DYSF: variants seen among roughly 807,000 people sequenced by gnomAD.
DYSF encodes dystrophy-associated fer-1-like 1.
Under a neutral mutation model 274.9 loss-of-function variants are expected in DYSF, and 212 were observed. The observed-to-expected ratio is 0.77, with a 90% confidence interval of 0.69 to 0.86. The LOEUF (loss-of-function observed/expected upper bound fraction) is 0.86, where lower values mean the gene tolerates loss of function less well. Among genes scored for constraint, DYSF ranks in the 40% least tolerant of loss-of-function variants. DYSF has a pLI of 0.00. For synonymous variants in DYSF, 1,091 were observed against 1,078.7 expected (o/e 1.01, Z -0.22); for missense variants, 2,666 against 2,783.2 (o/e 0.96, Z 0.95).
chr2:71,564,446 C>T (rs1463118180), intron 24 of DYSF, among the ~76,000 whole-genome samples: 1 of 152,148 alleles, frequency 6.6e-6, no homozygotes, highest in Admixed American at 6.5e-5. Context: ...GAATCACTGG[C>T]GCTGGGAGTG....
At chr2:71,571,057 G>A in intron 29 of DYSF, 1 of 376,496 alleles carries the variant, frequency 2.7e-6, no homozygotes, top group Non-Finnish European at 4.7e-6. Flanking sequence ...CACACACACA[G>A]ATCACACCCA....
intron 26 of DYSF, among the ~76,000 whole-genome samples, chr2:71,568,651 C>T (rs1284575223): frequency 6.6e-6 from 1 of 151,914 alleles, no homozygotes; most frequent in Non-Finnish European, 1.5e-5. Context: ...GCCTCAACCT[C>T]CTGGCCTCAG....
intron 30 of DYSF, among the ~76,000 whole-genome samples, chr2:71,577,695 C>T (rs113817325): frequency 0.028 from 4,264 of 152,104 alleles, 67 homozygotes; most frequent in Admixed American, 0.041. Flanking sequence ...CACACTCACA[C>T]TCCCCCTCCA....
chr2:71,570,011 G>A (rs1171571333), intron 27 of DYSF, 77 bp downstream of exon 27: 5 of 1,355,234 alleles, frequency 3.7e-6, no homozygotes, highest in Non-Finnish European at 5.2e-6. Flanking sequence ...GGACAGGTGG[G>A]GCATGTTTCT....
At chr2:71,546,269 G>C (rs2090465044) in intron 17 of DYSF, among the ~76,000 whole-genome samples, 1 of 152,240 alleles carries the variant, frequency 6.6e-6, no homozygotes, top group Non-Finnish European at 1.5e-5. Flanking sequence ...TTGTGGGCTT[G>C]TAGCCCATTG....
At chr2:71,597,249 A>G (rs980023872) in intron 32 of DYSF, among the ~76,000 whole-genome samples, 4 of 152,282 alleles carry the variant, frequency 2.6e-5, no homozygotes, top group African/African-American at 9.6e-5. Flanking sequence ...TGGCAGTGCT[A>G]GGGCTGGACT....
At chr2:71,673,140 C>G (rs901410984) in intron 51 of DYSF, among the ~76,000 whole-genome samples, 1 of 152,200 alleles carries the variant, frequency 6.6e-6, no homozygotes, top group Non-Finnish European at 1.5e-5. Flanking sequence ...GGACTTGGCA[C>G]CCACCATCTG....
chr2:71,480,880 T>C lies in DYSF; in HGVS notation c.92-3T>C, dbSNP rs367833503. 2.3e-5 allele frequency: 37 copies of C among 1,613,758 alleles called. No homozygotes were observed. In the African/African-American group the frequency reaches 3.6e-4, roughly 16 times the overall value. On this transcript the variant is annotated splice_polypyrimidine_tract_variant and splice_region_variant and intron_variant, in intron 1 of 55. Coordinates refer to ENST00000410020, the MANE Select transcript of DYSF (RefSeq NM_001130987.2). ...TCCATTCTCCCTTTTGTGTCTCTTG[T>C]AGGGGTGAAGAAGAGAACCAAAGTC...
intron 40 of DYSF, among the ~76,000 whole-genome samples, chr2:71,618,436 TG>T: frequency 9.4e-6 from 1 of 106,414 alleles, no homozygotes; most frequent in Non-Finnish European, 1.8e-5. Context: ...AGAGGTGGGG[TG>T]TGTGTGGTAG....
chr2:71,598,134 A>G (rs1317966011), intron 32 of DYSF, among the ~76,000 whole-genome samples: 2 of 152,220 alleles, frequency 1.3e-5, no homozygotes, highest in African/African-American at 2.4e-5. Flanking sequence ...TGGATATTTT[A>G]TATTTAGTTC....
intron 1 of DYSF, among the ~76,000 whole-genome samples, chr2:71,479,510 C>A (rs1299366860): frequency 6.6e-6 from 1 of 152,140 alleles, no homozygotes; most frequent in Non-Finnish European, 1.5e-5. Context: ...CAGTAAAGGA[C>A]CAGGGGCTGC....
At chr2:71,553,553 G>C (rs1387061492) in intron 20 of DYSF, among the ~76,000 whole-genome samples, 1 of 152,168 alleles carries the variant, frequency 6.6e-6, no homozygotes, top group Non-Finnish European at 1.5e-5. Context: ...AGCTGCAGCT[G>C]TCTGCTCAAC....
At chr2:71,595,984 C>A (rs1286867969) in intron 32 of DYSF, among the ~76,000 whole-genome samples, 1 of 151,278 alleles carries the variant, frequency 6.6e-6, no homozygotes, top group East Asian at 1.9e-4. Context: ...TCTAGCAACA[C>A]CCCTACTCCC....
intron 17 of DYSF, among the ~76,000 whole-genome samples, chr2:71,546,590 C>G (rs573598543): frequency 2.0e-5 from 3 of 152,210 alleles, no homozygotes; most frequent in African/African-American, 7.2e-5. Context: ...AGCTGCAGGT[C>G]TTTTGAGAGG....
chr2:71,559,032 C>T (rs905884351), intron 22 of DYSF, among the ~76,000 whole-genome samples: 2 of 152,320 alleles, frequency 1.3e-5, no homozygotes, highest in Admixed American at 6.5e-5. Flanking sequence ...GTCAGCCTGG[C>T]CCACTTCTCC....
intron 3 of DYSF, among the ~76,000 whole-genome samples, chr2:71,488,460 AC>A (rs2083535797): frequency 6.6e-6 from 1 of 152,276 alleles, no homozygotes; most frequent in Admixed American, 6.5e-5. Flanking sequence ...TGATTCACTA[AC>A]CCCAGGCCTA....
At chr2:71,529,310 G>A (rs1024504493) in intron 14 of DYSF, among the ~76,000 whole-genome samples, 1 of 152,142 alleles carries the variant, frequency 6.6e-6, no homozygotes, top group Non-Finnish European at 1.5e-5. Context: ...GCCACTGCTA[G>A]CTCTTTCCAG....
chr2:71,630,290 G>A (rs1000159415), intron 41 of DYSF, among the ~76,000 whole-genome samples: 4 of 152,268 alleles, frequency 2.6e-5, no homozygotes, highest in Admixed American at 6.5e-5. Flanking sequence ...AGGCAGCTAT[G>A]TGGGGCTATT....
At chr2:71,607,791 G>C (rs930591680) in intron 36 of DYSF, among the ~76,000 whole-genome samples, 1 of 152,178 alleles carries the variant, frequency 6.6e-6, no homozygotes, top group Non-Finnish European at 1.5e-5. Context: ...CAGACTTGAA[G>C]AGAGCAGGTT....
Sources: gnomAD v4.1 joint callset for allele counts (sites outside exome capture counted in the v4.1 genomes callset) on GRCh38, gnomAD v4.1.1 for gene constraint, MANE v1.5 for transcripts, NCBI Gene and HGNC (gene_info 2026-07-23, HGNC 2026-07-21) for gene names.